Variants in UTS2 observed in about 807,000 individuals in gnomAD.
UTS2 encodes the protein urotensin 2.
In UTS2, 10 loss-of-function variants were observed where a neutral mutation model predicts 12.6. The observed-to-expected ratio is 0.80, with a 90% CI of 0.49 to 1.35. UTS2 has a LOEUF of 1.35. Among genes scored for constraint, UTS2 ranks in the 40% most tolerant of loss-of-function variants. The probability of loss-of-function intolerance (pLI) is 0.00; values close to 1 mark genes in which losing one functional copy is unlikely to be tolerated. For missense variants in UTS2, 142 were observed against 143.2 expected, an observed-to-expected ratio of 0.99 and a Z score of 0.04; for synonymous variants, 52 against 50.0, an observed-to-expected ratio of 1.04 and a Z score of -0.17.
At chr1:7,848,855 T>C (rs1239150173) in intron 3 of UTS2, among the ~76,000 whole-genome samples, 1 of 152,152 alleles carries the variant, frequency 6.6e-6, no homozygotes, top group Non-Finnish European at 1.5e-5. Context: ...GAGCATGGCC[T>C]TCCTCCATTA....
chr1:7,854,536 G>GAAAAA (rs35379501), upstream of UTS2, among the ~76,000 whole-genome samples: 1 of 143,770 alleles, frequency 7.0e-6, no homozygotes, highest in Non-Finnish European at 1.5e-5. Context: ...AAAGAAGAAA[G>GAAAAA]AAAAGTGGTT....
upstream of UTS2, chr1:7,853,228 T>C: frequency 1.4e-5 from 22 of 1,585,054 alleles, no homozygotes; most frequent in Non-Finnish European, 1.9e-5. Context: ...ATAAATTAAC[T>C]GTCTTGTTGC....
the UTS2 span, among the ~76,000 whole-genome samples, chr1:7,887,655 A>G: frequency 6.7e-6 from 1 of 149,576 alleles, no homozygotes; most frequent in Non-Finnish European, 1.5e-5. Flanking sequence ...AGTCCCAGCT[A>G]CTCGGGAGGC....
the UTS2 span, among the ~76,000 whole-genome samples, chr1:7,901,658 T>C: frequency 6.6e-5 from 10 of 151,988 alleles, no homozygotes; most frequent in Non-Finnish European, 1.3e-4. Flanking sequence ...TCTCATTTAA[T>C]CCTCACAAAA....
chr1:7,906,481 A>AAGAAAGAAAGAAAGAAAGAAAGAAAG, the UTS2 span, among the ~76,000 whole-genome samples: 2 of 150,070 alleles, frequency 1.3e-5, no homozygotes, highest in African/African-American at 4.9e-5. Context: ...GAAAGAAAGA[A>AAGAAAGAAAGAAAGAAAGAAAGAAAG]AGAAAGAAAG....
the UTS2 span, among the ~76,000 whole-genome samples, chr1:7,867,997 T>G: frequency 6.6e-6 from 1 of 152,206 alleles, no homozygotes; most frequent in Non-Finnish European, 1.5e-5. Flanking sequence ...GCAGTGAAGA[T>G]GTATTAAATC....
chr1:7,871,862 C>A, the UTS2 span, among the ~76,000 whole-genome samples: 7 of 147,222 alleles, frequency 4.8e-5, no homozygotes, highest in African/African-American at 1.8e-4. Flanking sequence ...CTGGCCGTTC[C>A]CCCATCTCTC....
the UTS2 span, among the ~76,000 whole-genome samples, chr1:7,874,431 A>C: frequency 8.5e-5 from 13 of 152,090 alleles, no homozygotes; most frequent in African/African-American, 2.4e-4. Flanking sequence ...CTGCATCTCC[A>C]CATCCATGGA....
chr1:7,871,797 C>T, the UTS2 span, among the ~76,000 whole-genome samples: 1 of 152,124 alleles, frequency 6.6e-6, no homozygotes, highest in Non-Finnish European at 1.5e-5. Context: ...AAACAGTGCC[C>T]ATATAAGACA....
chr1:7,891,584 G>GAAAGAA, the UTS2 span, among the ~76,000 whole-genome samples: 7 of 150,758 alleles, frequency 4.6e-5, no homozygotes, highest in African/African-American at 1.5e-4. Flanking sequence ...AAGAAAGAAA[G>GAAAGAA]AAAGAAAGAA....
chr1:7,860,304 G>T, the UTS2 span, among the ~76,000 whole-genome samples: 1 of 152,026 alleles, frequency 6.6e-6, no homozygotes, highest in Non-Finnish European at 1.5e-5. Context: ...CTCACAGCTA[G>T]CTGAGAGAAA....
At chr1:7,877,038 G>A in the UTS2 span, among the ~76,000 whole-genome samples, 1 of 148,526 alleles carries the variant, frequency 6.7e-6, no homozygotes, top group Admixed American at 7.0e-5. Flanking sequence ...GCTGAGGCAG[G>A]AGAATTGCTT....
the UTS2 span, among the ~76,000 whole-genome samples, chr1:7,910,650 A>T: frequency 6.6e-6 from 1 of 152,162 alleles, no homozygotes; most frequent in South Asian, 2.1e-4. Context: ...GGCTTTTGTC[A>T]GTTGATTTTC....
At chr1:7,904,920 A>G in the UTS2 span, among the ~76,000 whole-genome samples, 1 of 150,550 alleles carries the variant, frequency 6.6e-6, no homozygotes, top group South Asian at 2.1e-4. Context: ...AAAAAAAAAA[A>G]AAAAAGCCCA....
rs2097413311 is a variant in UTS2, at chr1:7,850,871, A to AG, written c.154dup (p.Leu52ProfsTer28). 6.2e-7 allele frequency: 1 copy of AG among 1,614,212 alleles called. No individual in the cohort carries two copies. ...CAGCATCTCTGGCAGTATCTGTAGA[A>AG]GGGAAGCTCTTTCTAGCTCCTCCGG... On this transcript the variant is annotated frameshift_variant, in exon 2 of 4. Coordinates refer to ENST00000361696, the MANE Select transcript of UTS2 (RefSeq NM_006786.4). LOFTEE classifies it high-confidence loss of function.
the UTS2 span, among the ~76,000 whole-genome samples, chr1:7,895,834 A>G: frequency 0.22 from 33,128 of 152,164 alleles, 4,688 homozygotes; most frequent in East Asian, 0.67. Context: ...CTTCCAAATT[A>G]CATGAGGTTT....
chr1:7,857,067 AAG>A (rs963989092), upstream of UTS2, among the ~76,000 whole-genome samples: 9 of 145,480 alleles, frequency 6.2e-5, no homozygotes, highest in Admixed American at 1.4e-4. Context: ...TAGGAAAAGA[AAG>A]AGAGAGAGAG....
At chr1:7,895,611 G>A in the UTS2 span, among the ~76,000 whole-genome samples, 2 of 152,110 alleles carry the variant, frequency 1.3e-5, no homozygotes, top group Non-Finnish European at 2.9e-5. Flanking sequence ...ACCATCTGAC[G>A]TGATGGAAAC....
the UTS2 span, among the ~76,000 whole-genome samples, chr1:7,908,942 G>A: frequency 6.6e-6 from 1 of 151,984 alleles, no homozygotes; most frequent in Non-Finnish European, 1.5e-5. Context: ...GAGTAGCTGG[G>A]ACTACAGGTG....
Sources: allele counts gnomAD v4.1 joint callset (sites outside exome capture counted in the v4.1 genomes callset), GRCh38; gene constraint gnomAD v4.1.1; transcripts MANE v1.5; gene names NCBI Gene and HGNC (gene_info 2026-07-23, HGNC 2026-07-21).